ZYG11B: variants seen among roughly 807,000 people sequenced by gnomAD.
ZYG11B encodes zyg-11 family member B, cell cycle regulator.
ZYG11B carries 36 observed loss-of-function variants against 82.4 expected under a neutral mutation model. The observed-to-expected ratio is 0.44, with a 90% CI of 0.33 to 0.58. ZYG11B has a LOEUF of 0.58. Ranked by LOEUF, ZYG11B falls within the 20% of genes least tolerant of loss-of-function variation. ZYG11B has a pLI of 0.02. For synonymous variants in ZYG11B, 303 were observed against 312.8 expected (o/e 0.97, Z 0.33); for missense variants, 552 against 895.6 (o/e 0.62, Z 4.90).
intron 10 of ZYG11B, among the ~76,000 whole-genome samples, chr1:52,803,153 TAC>T (rs1435151717): frequency 2.4e-4 from 9 of 38,216 alleles, no homozygotes; most frequent in South Asian, 6.6e-4. Flanking sequence ...TATATATATA[TAC>T]ACATATATAT....
intron 1 of ZYG11B, among the ~76,000 whole-genome samples, chr1:52,750,833 C>T (rs994302634): frequency 1.3e-5 from 2 of 152,194 alleles, no homozygotes; most frequent in African/African-American, 2.4e-5. Flanking sequence ...ACATTTACCT[C>T]TTCTGAACAG....
chr1:52,753,700 G>A (rs1644546049), intron 1 of ZYG11B, among the ~76,000 whole-genome samples: 3 of 151,904 alleles, frequency 2.0e-5, no homozygotes, highest in East Asian at 3.9e-4. Flanking sequence ...GGGTGCAAGC[G>A]ATTCTCCTGC....
intron 1 of ZYG11B, among the ~76,000 whole-genome samples, chr1:52,738,392 G>C (rs1644395821): frequency 6.6e-6 from 1 of 151,754 alleles, no homozygotes; most frequent in Non-Finnish European, 1.5e-5. Context: ...TGTTGGCCAG[G>C]CTAGTCTCCA....
chr1:52,817,813 ATATTTT>A (rs1645247433), intron 13 of ZYG11B, among the ~76,000 whole-genome samples: 2 of 34,388 alleles, frequency 5.8e-5, no homozygotes, highest in African/African-American at 1.3e-4. Flanking sequence ...ATATATATAT[ATATTTT>A]TTTTTTTTTT....
intron 10 of ZYG11B, chr1:52,805,323 A>G (rs1645133242): frequency 2.9e-6 from 1 of 342,790 alleles, no homozygotes; most frequent in African/African-American, 2.2e-5. Flanking sequence ...GAGGAGATGG[A>G]TTTTTAGGAA....
At chr1:52,743,668 G>A (rs1425698651) in intron 1 of ZYG11B, among the ~76,000 whole-genome samples, 1 of 152,024 alleles carries the variant, frequency 6.6e-6, no homozygotes, top group Non-Finnish European at 1.5e-5. Context: ...AGTGAGCTAT[G>A]ATCACACTAC....
chr1:52,771,795 T>A lies in ZYG11B; in HGVS notation c.951+21T>A. On this transcript the variant is annotated intron_variant, in intron 3 of 13. Coordinates refer to ENST00000294353, the MANE Select transcript of ZYG11B (RefSeq NM_024646.3). This position sits in a 1 kb window ranked among gnomAD's most constrained non-coding sequence, Gnocchi z 5.4. Reference sequence around the variant, plus strand: ...TGAAGGTTAGACTTTAAAAATGTATTATTTTGTCAGGCTGACCAATATCTT... The same window carrying A: ...TGAAGGTTAGACTTTAAAAATGTATAATTTTGTCAGGCTGACCAATATCTT... 1.3e-6 allele frequency: 2 copies of A among 1,587,312 alleles called. No individual in the cohort carries two copies. Among genetic ancestry groups the A allele is most frequent in the Non-Finnish European group, 1.7e-6 (2 of 1,167,198 alleles).
intron 1 of ZYG11B, among the ~76,000 whole-genome samples, chr1:52,744,185 C>T (rs376278026): frequency 6.6e-6 from 1 of 152,168 alleles, no homozygotes. Flanking sequence ...GATCTGCCCA[C>T]CTCAGCCTCT....
intron 4 of ZYG11B, among the ~76,000 whole-genome samples, chr1:52,784,076 C>T (rs919376768): frequency 6.6e-6 from 1 of 152,038 alleles, no homozygotes; most frequent in African/African-American, 2.4e-5. Context: ...ACTGCAACCT[C>T]TGCCTCCTGG....
rs1259354392 is a variant in ZYG11B, at chr1:52,726,485, G to C, written c.-169G>C. 1 of 568,548 alleles carries C rather than the reference G, an allele frequency of 1.8e-6. No individual in the cohort carries two copies. Among genetic ancestry groups the C allele is most frequent in the Non-Finnish European group, 2.6e-6 (1 of 381,058 alleles). The allele number at this position is 568,548 out of a possible 1,614,324, so 35.2% of individuals were successfully genotyped here. A position where few individuals can be genotyped will look rare whatever the true frequency, so the allele number is the denominator to read the frequency against. Reference sequence around the variant, plus strand: ...GCGCTCTGGTTCGGGCTGCGGCTGCGGCTGCGGCTGCGGCTGCTACTGCTA... The same window carrying C: ...GCGCTCTGGTTCGGGCTGCGGCTGCCGCTGCGGCTGCGGCTGCTACTGCTA... On this transcript the variant is annotated 5_prime_UTR_variant, in exon 1 of 14. Transcript: ENST00000294353.
At chr1:52,816,666 T>C (rs767905409) in intron 13 of ZYG11B, 37 bp downstream of exon 13, 1 of 1,427,880 alleles carries the variant, frequency 7.0e-7, no homozygotes, top group East Asian at 2.3e-5. Context: ...TTTTTTTTCT[T>C]TAAGTGAAAT....
intron 8 of ZYG11B, among the ~76,000 whole-genome samples, chr1:52,798,490 G>C (rs903716985): frequency 6.6e-6 from 1 of 152,056 alleles, no homozygotes. Context: ...ACATGTCTGT[G>C]GTCCCAGCTA....
chr1:52,800,260 A>G (rs1390217223), intron 8 of ZYG11B, among the ~76,000 whole-genome samples: 1 of 147,738 alleles, frequency 6.8e-6, no homozygotes, highest in Admixed American at 6.9e-5. Context: ...TGAGTGATAG[A>G]GTGAGATTCC....
At chr1:52,801,293 T>TG (rs1448821770) in intron 8 of ZYG11B, among the ~76,000 whole-genome samples, 3 of 133,012 alleles carry the variant, frequency 2.3e-5, no homozygotes, top group Non-Finnish European at 4.8e-5. Context: ...TTTTCCTTTC[T>TG]TTTTTTTCTT....
chr1:52,781,405 G>A (rs1016567911), intron 4 of ZYG11B, among the ~76,000 whole-genome samples: 3 of 152,068 alleles, frequency 2.0e-5, no homozygotes, highest in Admixed American at 6.6e-5. Flanking sequence ...ACACTGAGGC[G>A]GGAGAATTGC....
intron 8 of ZYG11B, among the ~76,000 whole-genome samples, chr1:52,800,250 T>C (rs908432583): frequency 6.7e-6 from 1 of 148,800 alleles, no homozygotes; most frequent in African/African-American, 2.5e-5. Context: ...CACTCCAGCC[T>C]GAGTGATAGA....
intron 1 of ZYG11B, among the ~76,000 whole-genome samples, chr1:52,746,435 C>T (rs917277707): frequency 2.6e-5 from 4 of 152,080 alleles, no homozygotes; most frequent in African/African-American, 9.7e-5. Context: ...TTAACCCTTT[C>T]TGTATCCCCC....
intron 6 of ZYG11B, among the ~76,000 whole-genome samples, chr1:52,790,770 G>GTTTT (rs1164086505): frequency 2.4e-4 from 14 of 58,722 alleles, no homozygotes; most frequent in African/African-American, 1.3e-3. Context: ...TAGGTCCAGT[G>GTTTT]TTCTTTTTTT....
At chr1:52,796,197 A>T in intron 6 of ZYG11B, 95 bp from the exon 7 acceptor site, 1 of 846,698 alleles carries the variant, frequency 1.2e-6, no homozygotes, top group Non-Finnish European at 1.9e-6. Context: ...TTGCCTTTTC[A>T]TATATTTAAG....
Sources: allele counts gnomAD v4.1 joint callset (sites outside exome capture counted in the v4.1 genomes callset), GRCh38; gene constraint gnomAD v4.1.1; non-coding constraint Gnocchi (gnomAD v3.1); transcripts MANE v1.5; gene names NCBI Gene and HGNC (gene_info 2026-07-23, HGNC 2026-07-21).